ABCC4: variants seen among roughly 807,000 people sequenced by gnomAD.
ABCC4 encodes the protein ATP-binding cassette sub-family C member 4.
ABCC4 carries 102 observed loss-of-function variants against 168.5 expected under a neutral mutation model. The observed-to-expected ratio is 0.61, with a 90% confidence interval of 0.52 to 0.71. ABCC4 has a LOEUF of 0.71. Ranked by LOEUF, ABCC4 falls within the 30% of genes least tolerant of loss-of-function variation. The pLI, the probability that ABCC4 is intolerant of heterozygous loss-of-function variation, is 0.00. For missense variants in ABCC4, 1,402 were observed against 1,605.8 expected, an observed-to-expected ratio of 0.87 and a Z score of 2.17; for synonymous variants, 617 against 590.7, an observed-to-expected ratio of 1.04 and a Z score of -0.65.
chr13:95,161,277 G>C lies in ABCC4; in HGVS notation c.2367C>G (p.Val789=). The change falls in exon 19 of 31, where the codon GTC becomes GTG. Residue 789 remains valine (V), a synonymous_variant. Transcript: ENST00000645237. ...GIARSLLVFY[V]LVNSSQTLHN... ...GCAAAGTTTGTGAAGAGTTAACAAGGACGTAGAATACCAATAGAGATCTTG... is the reference window on the plus strand; with the variant it reads ...GCAAAGTTTGTGAAGAGTTAACAAGCACGTAGAATACCAATAGAGATCTTG... The C allele has an allele frequency of 3.7e-6, 6 of 1,609,928 alleles. No individual in the cohort carries two copies. The highest frequency in any genetic ancestry group is 5.1e-6 in the Non-Finnish European group (6 of 1,179,104).
At position 95,198,924 on chromosome 13, in the gene ABCC4, C is replaced by T. The variant is rs557765536; in HGVS notation, c.1162-3987G>A. On this transcript the variant is annotated intron_variant, in intron 8 of 30. Coordinates refer to ENST00000645237, the MANE Select transcript of ABCC4 (RefSeq NM_005845.5). ...GTTGAACAATGAGAACACATGGACA[C>T]AGGAAGGGGAACATCACACACCAGG... Among the ~76,000 whole-genome samples the T allele has an allele frequency of 3.3e-5, 5 of 152,100 alleles. No individual in the cohort carries two copies. The South Asian group carries it at 1.0e-3, about 32-fold the overall frequency.
intron 4 of ABCC4, among the ~76,000 whole-genome samples, chr13:95,221,467 G>A (rs1424684928): frequency 6.6e-6 from 1 of 152,088 alleles, no homozygotes; most frequent in South Asian, 2.1e-4. Flanking sequence ...AGGCTCAAGC[G>A]ATCCAGCCAT....
rs1402604060 is a variant in ABCC4 at position 95,161,342 on chromosome 13, T to C, written c.2309-7A>G. 6.4e-7 allele frequency: 1 copy of C among 1,567,512 alleles called. No individual in the cohort carries two copies. Among genetic ancestry groups the C allele is most frequent in the Non-Finnish European group, 8.6e-7 (1 of 1,162,002 alleles). ...ACGGTAGCTACAGTTAAACCTGAAA[T>C]AAAGAAATATCACTTAGAGAACACA... On this transcript the variant is annotated splice_polypyrimidine_tract_variant and splice_region_variant and intron_variant, in intron 18 of 30. Transcript: ENST00000645237.
intron 19 of ABCC4, among the ~76,000 whole-genome samples, chr13:95,154,499 CAT>C (rs892889148): frequency 1.3e-5 from 2 of 152,204 alleles, no homozygotes; most frequent in African/African-American, 4.8e-5. Context: ...TGAAAGGAAA[CAT>C]AGCGAGTGAT....
intron 1 of ABCC4, among the ~76,000 whole-genome samples, chr13:95,263,293 T>C (rs1252957723): frequency 6.6e-6 from 1 of 152,188 alleles, no homozygotes; most frequent in African/African-American, 2.4e-5. Flanking sequence ...CAAAGGCGCA[T>C]AGGAACCTAA....
chr13:95,025,223 CCACA>C (rs1366834664), intron 30 of ABCC4, among the ~76,000 whole-genome samples: 3 of 45,978 alleles, frequency 6.5e-5, no homozygotes, highest in East Asian at 7.2e-4. Flanking sequence ...CCACACACCC[CCACA>C]CACACCCATA....
rs754320581 is a variant in ABCC4 at position 95,186,674 on chromosome 13, A to G, written c.1545+27T>C. 6.9e-6 allele frequency: 11 copies of G among 1,599,766 alleles called. No homozygotes were observed. In the South Asian group the frequency reaches 1.2e-4, roughly 18 times the overall value. On this transcript the variant is annotated intron_variant, in intron 11 of 30. Transcript: ENST00000645237. ...CACTAGTATTACTGGACATTCGAGTACATGAAATCCAAAAGTCATCACTCA... is the reference window on the plus strand; with the variant it reads ...CACTAGTATTACTGGACATTCGAGTGCATGAAATCCAAAAGTCATCACTCA...
intron 27 of ABCC4, among the ~76,000 whole-genome samples, chr13:95,049,951 G>A (rs1323969911): frequency 1.3e-5 from 2 of 152,154 alleles, no homozygotes; most frequent in African/African-American, 2.4e-5. Context: ...TATAAACCAA[G>A]TGACTATGTT....
chr13:95,130,621 G>A (rs914876219), intron 19 of ABCC4, among the ~76,000 whole-genome samples: 4 of 152,176 alleles, frequency 2.6e-5, no homozygotes, highest in Non-Finnish European at 5.9e-5. Flanking sequence ...AGTGCTGACA[G>A]GAACGAAACA....
intron 20 of ABCC4, among the ~76,000 whole-genome samples, chr13:95,086,630 G>A (rs2034265519): frequency 6.6e-6 from 1 of 152,116 alleles, no homozygotes; most frequent in South Asian, 2.1e-4. Flanking sequence ...TTCATTTTGT[G>A]GGATTCTGTT....
At chr13:95,154,317 G>C (rs183158573) in intron 19 of ABCC4, among the ~76,000 whole-genome samples, 8 of 152,302 alleles carry the variant, frequency 5.3e-5, no homozygotes, top group Admixed American at 5.2e-4. Context: ...ATCAGGCAAG[G>C]GGGTGGGAGG....
At chr13:95,187,403 G>A (rs926058824) in intron 10 of ABCC4, among the ~76,000 whole-genome samples, 1 of 152,018 alleles carries the variant, frequency 6.6e-6, no homozygotes, top group Admixed American at 6.5e-5. Context: ...CCAGGAGTTC[G>A]AGACCAGCCT....
At chr13:95,241,213 A>C (rs550515307) in intron 3 of ABCC4, among the ~76,000 whole-genome samples, 65 of 151,722 alleles carry the variant, frequency 4.3e-4, no homozygotes, top group Non-Finnish European at 7.7e-4. Context: ...AAATACAAAA[A>C]AATTAGCTGG....
intron 20 of ABCC4, among the ~76,000 whole-genome samples, chr13:95,098,239 G>A (rs1172694464): frequency 6.6e-6 from 1 of 151,284 alleles, no homozygotes; most frequent in Non-Finnish European, 1.5e-5. Context: ...CTTAGAGGAA[G>A]TATAACTTTA....
At chr13:95,276,030 A>C (rs2040962659) in intron 1 of ABCC4, among the ~76,000 whole-genome samples, 1 of 152,206 alleles carries the variant, frequency 6.6e-6, no homozygotes, top group Non-Finnish European at 1.5e-5. Flanking sequence ...TTCTTCAAAA[A>C]GCTGCCATAC....
intron 1 of ABCC4, among the ~76,000 whole-genome samples, chr13:95,285,536 C>T (rs2041237122): frequency 1.3e-5 from 2 of 152,052 alleles, no homozygotes; most frequent in African/African-American, 4.8e-5. Context: ...GGCAACAGAG[C>T]GGGACTCCAT....
At chr13:95,125,491 T>C (rs2035726173) in intron 19 of ABCC4, among the ~76,000 whole-genome samples, 2 of 152,012 alleles carry the variant, frequency 1.3e-5, no homozygotes, top group Non-Finnish European at 2.9e-5. Flanking sequence ...AGGATTAAAT[T>C]ACACAAGTTA....
At chr13:95,207,319 C>T (rs554576766) in intron 7 of ABCC4, among the ~76,000 whole-genome samples, 10 of 152,310 alleles carry the variant, frequency 6.6e-5, no homozygotes, top group East Asian at 1.9e-4. Flanking sequence ...TGAGCCACTG[C>T]GCCCAGCCCC....
chr13:95,224,539 C>T (rs778772849), intron 4 of ABCC4, among the ~76,000 whole-genome samples: 1 of 152,118 alleles, frequency 6.6e-6, no homozygotes, highest in African/African-American at 2.4e-5. Flanking sequence ...GAGTTCAAGA[C>T]CAGCCTGGGT....
Sources: gnomAD v4.1 joint callset for allele counts (sites outside exome capture counted in the v4.1 genomes callset) on GRCh38, gnomAD v4.1.1 for gene constraint, MANE v1.5 for transcripts, NCBI Gene and HGNC (gene_info 2026-07-23, HGNC 2026-07-21) for gene names.